TNNI3K: variants seen among roughly 807,000 people sequenced by gnomAD.
TNNI3K encodes serine/threonine-protein kinase TNNI3K.
Under a neutral mutation model 114.5 loss-of-function variants are expected in TNNI3K, and 140 were observed. That is an observed-to-expected ratio of 1.22 (90% CI 1.07 to 1.41). TNNI3K has a LOEUF of 1.41. Ranked by LOEUF, TNNI3K falls within the 40% of genes most tolerant of loss-of-function variation. The pLI, the probability that TNNI3K is intolerant of heterozygous loss-of-function variation, is 0.00. For synonymous variants in TNNI3K, 347 were observed against 347.5 expected (o/e 1.00, Z 0.02); for missense variants, 1,125 against 1,007.6 (o/e 1.12, Z -1.58).
chr1:74,239,129 G>A (rs944132832), intron 2 of TNNI3K, among the ~76,000 whole-genome samples: 1 of 152,034 alleles, frequency 6.6e-6, no homozygotes, highest in South Asian at 2.1e-4. Context: ...CAACTGGTGT[G>A]GTCTAAAGAG....
intron 4 of TNNI3K, among the ~76,000 whole-genome samples, chr1:74,267,788 AC>A (rs1405629132): frequency 1.3e-5 from 2 of 152,014 alleles, no homozygotes; most frequent in East Asian, 3.9e-4. Context: ...ATAAATTATT[AC>A]TCTTAACTTT....
chr1:74,543,902 G>A lies in TNNI3K; in HGVS notation c.2432-4G>A, dbSNP rs1365888654. ...GTAACAACTGAACTTCTTTTCTGAT[G>A]CAGGCTATGTATCCGATCCCATGAG... On this transcript the variant is annotated splice_polypyrimidine_tract_variant and splice_region_variant and intron_variant, in intron 24 of 24. Coordinates refer to ENST00000326637, the MANE Select transcript of TNNI3K (RefSeq NM_015978.3). 6.2e-7 allele frequency: 1 copy of A among 1,613,240 alleles called. No individual in the cohort carries two copies. Among genetic ancestry groups the A allele is most frequent in the Non-Finnish European group, 8.5e-7 (1 of 1,179,714 alleles).
At chr1:74,261,449 T>C (rs1655669620) in intron 4 of TNNI3K, among the ~76,000 whole-genome samples, 2 of 152,112 alleles carry the variant, frequency 1.3e-5, no homozygotes, top group Non-Finnish European at 2.9e-5. Flanking sequence ...TATATATAAA[T>C]GTATATAAGC....
chr1:74,496,996 G>A (rs1357617796), intron 23 of TNNI3K, among the ~76,000 whole-genome samples: 4 of 152,184 alleles, frequency 2.6e-5, no homozygotes, highest in Non-Finnish European at 5.9e-5. Flanking sequence ...CAGGGATCCA[G>A]AGTTTGGAAC....
intron 23 of TNNI3K, among the ~76,000 whole-genome samples, chr1:74,506,835 G>A (rs985720310): frequency 1.3e-5 from 2 of 151,972 alleles, no homozygotes; most frequent in Non-Finnish European, 2.9e-5. Flanking sequence ...CTCCCTATGA[G>A]CATTCCTAAT....
intron 5 of TNNI3K, among the ~76,000 whole-genome samples, chr1:74,287,345 T>C (rs1263147157): frequency 2.0e-5 from 3 of 152,036 alleles, no homozygotes; most frequent in African/African-American, 4.8e-5. Flanking sequence ...GAAAGGGAAA[T>C]GAATATCCTT....
At chr1:74,346,960 C>T (rs1052096797) in intron 9 of TNNI3K, among the ~76,000 whole-genome samples, 1 of 151,394 alleles carries the variant, frequency 6.6e-6, no homozygotes, top group Non-Finnish European at 1.5e-5. Flanking sequence ...ACCCTAATGA[C>T]CCCATTTTAA....
chr1:74,311,794 C>A (rs181077909), intron 5 of TNNI3K, among the ~76,000 whole-genome samples: 215 of 152,074 alleles, frequency 1.4e-3, no homozygotes, highest in African/African-American at 4.8e-3. Context: ...CAGAAAAATC[C>A]TTTGCTTTTT....
At chr1:74,521,230 G>A (rs1646427705) in intron 23 of TNNI3K, among the ~76,000 whole-genome samples, 1 of 152,100 alleles carries the variant, frequency 6.6e-6, no homozygotes, top group Non-Finnish European at 1.5e-5. Context: ...TCACATTGTG[G>A]CACTGCCATT....
chr1:74,399,952 C>G (rs1207233527), intron 17 of TNNI3K, among the ~76,000 whole-genome samples: 2 of 152,170 alleles, frequency 1.3e-5, no homozygotes, highest in Non-Finnish European at 2.9e-5. Context: ...AAACAAATAT[C>G]TATGTCCTGA....
chr1:74,293,742 G>A lies in TNNI3K; in HGVS notation c.444+22034G>A, dbSNP rs529319468. Among the ~76,000 whole-genome samples the A allele has an allele frequency of 4.6e-5, 7 of 151,754 alleles. No homozygotes were observed. In the East Asian group the frequency reaches 1.4e-3, roughly 29 times the overall value. ...CAAACAGAAATGGTGACAAAGAATA[G>A]ACCTGTTTTATTCCTGATTTTAGGG... On this transcript the variant is annotated intron_variant, in intron 5 of 24. Transcript: ENST00000326637.
intron 9 of TNNI3K, among the ~76,000 whole-genome samples, chr1:74,347,562 T>G (rs115685107): frequency 0.016 from 2,510 of 152,306 alleles, 67 homozygotes; most frequent in African/African-American, 0.057. Context: ...TCTAGATCCC[T>G]GAGGAATTAC....
intron 23 of TNNI3K, among the ~76,000 whole-genome samples, chr1:74,515,397 T>C (rs1646335389): frequency 6.6e-6 from 1 of 152,168 alleles, no homozygotes; most frequent in South Asian, 2.1e-4. Flanking sequence ...TTTTTGGTGC[T>C]TTGTCAGAAA....
chr1:74,512,339 A>G (rs1286665449), intron 23 of TNNI3K, among the ~76,000 whole-genome samples: 3 of 152,224 alleles, frequency 2.0e-5, no homozygotes, highest in African/African-American at 4.8e-5. Flanking sequence ...TGTGCAAAAC[A>G]GGCAACACTG....
intron 17 of TNNI3K, among the ~76,000 whole-genome samples, chr1:74,397,640 T>C (rs1384728469): frequency 6.6e-6 from 1 of 152,188 alleles, no homozygotes; most frequent in African/African-American, 2.4e-5. Flanking sequence ...CATCAAACCA[T>C]AACTGTTTAG....
At chr1:74,443,376 A>G (rs1666470388) in intron 20 of TNNI3K, among the ~76,000 whole-genome samples, 2 of 152,192 alleles carry the variant, frequency 1.3e-5, no homozygotes, top group African/African-American at 4.8e-5. Flanking sequence ...GAATACTATA[A>G]ACACCTCTAT....
chr1:74,513,952 A>G (rs960444168), intron 23 of TNNI3K, among the ~76,000 whole-genome samples: 3 of 152,200 alleles, frequency 2.0e-5, no homozygotes, highest in African/African-American at 7.2e-5. Context: ...AGGGGAGTAA[A>G]TAATCTTCCA....
At chr1:74,353,590 A>G (rs1434802380) in intron 10 of TNNI3K, among the ~76,000 whole-genome samples, 1 of 150,808 alleles carries the variant, frequency 6.6e-6, no homozygotes, top group Non-Finnish European at 1.5e-5. Flanking sequence ...GCATCCTCTT[A>G]TGGCCAGCAC....
intron 23 of TNNI3K, among the ~76,000 whole-genome samples, chr1:74,499,889 C>G (rs1200366038): frequency 1.3e-5 from 2 of 151,998 alleles, no homozygotes; most frequent in African/African-American, 4.8e-5. Context: ...ATAGTTACAT[C>G]CATTGTGACT....
Sources: allele counts gnomAD v4.1 joint callset (sites outside exome capture counted in the v4.1 genomes callset), GRCh38; gene constraint gnomAD v4.1.1; transcripts MANE v1.5; gene names NCBI Gene and HGNC (gene_info 2026-07-23, HGNC 2026-07-21).